The following ST6GALNAC3 variants were observed in gnomAD, a reference collection of about 807,000 sequenced individuals.
The protein encoded by ST6GALNAC3 is ST6 N-acetylgalactosaminide alpha-2,6-sialyltransferase 3, also known as alpha-N-acetylgalactosaminide alpha-2,6-sialyltransferase 3.
In ST6GALNAC3, 25 loss-of-function variants were observed where a neutral mutation model predicts 32.7. That is an observed-to-expected ratio of 0.76 (90% confidence interval 0.56 to 1.07). The LOEUF (loss-of-function observed/expected upper bound fraction) is 1.07, where lower values mean the gene tolerates loss of function less well. Among genes scored for constraint, ST6GALNAC3 ranks in the 50% least tolerant of loss-of-function variants. The probability of loss-of-function intolerance (pLI) is 0.00; values close to 1 mark genes in which losing one functional copy is unlikely to be tolerated. For missense variants in ST6GALNAC3, 355 were observed against 382.4 expected, an observed-to-expected ratio of 0.93 and a Z score of 0.60; for synonymous variants, 129 against 133.1, an observed-to-expected ratio of 0.97 and a Z score of 0.21.
At chr1:76,201,391 A>G (rs944639419) in intron 1 of ST6GALNAC3, among the ~76,000 whole-genome samples, 65 of 152,196 alleles carry the variant, frequency 4.3e-4, no homozygotes, top group African/African-American at 1.4e-3. Context: ...TGAGAACAGC[A>G]TGGGAAAAAT....
At chr1:76,500,252 C>T (rs1661100160) in intron 3 of ST6GALNAC3, among the ~76,000 whole-genome samples, 1 of 152,094 alleles carries the variant, frequency 6.6e-6, no homozygotes, top group Non-Finnish European at 1.5e-5. Context: ...TGACATTAGT[C>T]TTTTACAAGC....
chr1:76,446,475 G>A (rs1358708392), intron 3 of ST6GALNAC3, among the ~76,000 whole-genome samples: 1 of 152,164 alleles, frequency 6.6e-6, no homozygotes, highest in South Asian at 2.1e-4. Flanking sequence ...AAAAGTCTCT[G>A]TTCTGCCTAT....
At position 76,502,119 on chromosome 1, in the gene ST6GALNAC3, T is replaced by C. The variant is rs184658080; in HGVS notation, c.623+89702T>C. On this transcript the variant is annotated intron_variant, in intron 3 of 4. Coordinates refer to ENST00000328299, the MANE Select transcript of ST6GALNAC3 (RefSeq NM_152996.4). ...TCAGAGCCCCACAGCAGCCTCCCTT[T>C]ATATCTCATGGGCCATAGCTCTGTC... Among the ~76,000 whole-genome samples the C allele has an allele frequency of 2.8e-3, 425 of 152,298 alleles. 2 individuals are homozygous for C. The highest frequency in any genetic ancestry group is 1.0e-2 in the African/African-American group (415 of 41,576).
At position 76,495,229 on chromosome 1, in the gene ST6GALNAC3, T is replaced by C. The variant is rs573595949; in HGVS notation, c.623+82812T>C. On this transcript the variant is annotated intron_variant, in intron 3 of 4. Coordinates refer to ENST00000328299, the MANE Select transcript of ST6GALNAC3 (RefSeq NM_152996.4). ...TAAATTAACCGTAACATGTACATACTGTGTGTATGCCAGGTACTTACTTAA... is the reference window on the plus strand; with the variant it reads ...TAAATTAACCGTAACATGTACATACCGTGTGTATGCCAGGTACTTACTTAA... Among the ~76,000 whole-genome samples, 7 of 152,298 alleles carry C rather than the reference T, an allele frequency of 4.6e-5. No individual in the cohort carries two copies. In the South Asian group the frequency reaches 1.5e-3, roughly 32 times the overall value.
intron 1 of ST6GALNAC3, among the ~76,000 whole-genome samples, chr1:76,181,570 A>T (rs1287279260): frequency 6.6e-6 from 1 of 152,206 alleles, no homozygotes; most frequent in Non-Finnish European, 1.5e-5. Flanking sequence ...TTTAATCAAC[A>T]TGCAATATTT....
At chr1:76,495,208 T>C (rs1660777916) in intron 3 of ST6GALNAC3, among the ~76,000 whole-genome samples, 1 of 152,144 alleles carries the variant, frequency 6.6e-6, no homozygotes, top group Admixed American at 6.6e-5. Flanking sequence ...GACACATAAA[T>C]TAACCGTAAC....
intron 3 of ST6GALNAC3, among the ~76,000 whole-genome samples, chr1:76,550,203 G>A (rs1302129156): frequency 2.6e-5 from 4 of 151,990 alleles, no homozygotes; most frequent in Non-Finnish European, 5.9e-5. Context: ...CTATTACTTT[G>A]TGGTTTGGGC....
chr1:76,552,722 A>T (rs1176562276), intron 3 of ST6GALNAC3, among the ~76,000 whole-genome samples: 1 of 152,094 alleles, frequency 6.6e-6, no homozygotes, highest in Non-Finnish European at 1.5e-5. Context: ...TGTGCCTCAT[A>T]TTTATTTTTA....
intron 2 of ST6GALNAC3, among the ~76,000 whole-genome samples, chr1:76,395,089 T>C (rs56402003): frequency 0.016 from 2,444 of 152,270 alleles, 71 homozygotes; most frequent in African/African-American, 0.056. Context: ...GTGCTTAAGA[T>C]ATGCCACTAC....
chr1:76,098,366 C>A (rs1444523705), intron 1 of ST6GALNAC3, among the ~76,000 whole-genome samples: 2 of 152,236 alleles, frequency 1.3e-5, no homozygotes, highest in East Asian at 3.9e-4. Context: ...ATATTACCAA[C>A]CTGTTTTCCA....
intron 3 of ST6GALNAC3, among the ~76,000 whole-genome samples, chr1:76,462,523 A>T (rs1254604324): frequency 7.8e-6 from 1 of 127,648 alleles, no homozygotes; most frequent in African/African-American, 3.3e-5. Flanking sequence ...GGTGGCAGCC[A>T]GCATTTTTTT....
intron 3 of ST6GALNAC3, among the ~76,000 whole-genome samples, chr1:76,623,767 G>T (rs1648790785): frequency 6.6e-6 from 1 of 151,826 alleles, no homozygotes; most frequent in Non-Finnish European, 1.5e-5. Context: ...AGGTCTAGTT[G>T]TGTGTAATTT....
chr1:76,395,921 T>G (rs1268361107), intron 2 of ST6GALNAC3, among the ~76,000 whole-genome samples: 1 of 152,086 alleles, frequency 6.6e-6, no homozygotes, highest in Non-Finnish European at 1.5e-5. Context: ...GTGAATATAG[T>G]TAAAAATAAG....
chr1:76,468,086 C>T (rs1206018009), intron 3 of ST6GALNAC3, among the ~76,000 whole-genome samples: 3 of 151,326 alleles, frequency 2.0e-5, no homozygotes, highest in Admixed American at 2.0e-4. Flanking sequence ...TCAATCAATT[C>T]TTCCTTCTCT....
intron 1 of ST6GALNAC3, among the ~76,000 whole-genome samples, chr1:76,179,460 T>A (rs1324442577): frequency 6.6e-6 from 1 of 152,212 alleles, no homozygotes; most frequent in Non-Finnish European, 1.5e-5. Flanking sequence ...GTCACCACCA[T>A]GTGTGGCCTG....
chr1:76,560,264 C>T (rs567824310), intron 3 of ST6GALNAC3, among the ~76,000 whole-genome samples: 21 of 152,198 alleles, frequency 1.4e-4, no homozygotes, highest in East Asian at 5.8e-4. Flanking sequence ...CTCTTCAGGA[C>T]GTTGATTTGG....
At chr1:76,437,712 G>C (rs757957524) in intron 3 of ST6GALNAC3, among the ~76,000 whole-genome samples, 2 of 151,660 alleles carry the variant, frequency 1.3e-5, no homozygotes, top group East Asian at 2.0e-4. Context: ...TGAGTAGCTG[G>C]GACTACAGGC....
At chr1:76,209,223 C>T (rs966961976) in intron 1 of ST6GALNAC3, among the ~76,000 whole-genome samples, 1 of 152,172 alleles carries the variant, frequency 6.6e-6, no homozygotes, top group African/African-American at 2.4e-5. Flanking sequence ...CTGCTTCTAC[C>T]CGGAGTCCAT....
intron 2 of ST6GALNAC3, among the ~76,000 whole-genome samples, chr1:76,387,201 A>G (rs1243184186): frequency 6.6e-6 from 1 of 152,104 alleles, no homozygotes; most frequent in Non-Finnish European, 1.5e-5. Context: ...AATTTCCTTA[A>G]CAATGGTGAC....
Sources: gnomAD v4.1 joint callset for allele counts (sites outside exome capture counted in the v4.1 genomes callset) on GRCh38, gnomAD v4.1.1 for gene constraint, MANE v1.5 for transcripts, NCBI Gene and HGNC (gene_info 2026-07-23, HGNC 2026-07-21) for gene names.